KCNMB2: variants seen among roughly 807,000 people sequenced by gnomAD.
The protein encoded by KCNMB2 is calcium-activated potassium channel subunit beta-2.
In KCNMB2, 9 loss-of-function variants were observed where a neutral mutation model predicts 24.5. That is an observed-to-expected ratio of 0.37 (90% CI 0.22 to 0.64). The LOEUF (loss-of-function observed/expected upper bound fraction) is 0.64, where lower values mean the gene tolerates loss of function less well. Among genes scored for constraint, KCNMB2 ranks in the 30% least tolerant of loss-of-function variants. The probability of loss-of-function intolerance (pLI) is 0.63; values close to 1 mark genes in which losing one functional copy is unlikely to be tolerated. For synonymous variants in KCNMB2, 109 were observed against 104.4 expected, an observed-to-expected ratio of 1.04 and a Z score of -0.27; for missense variants, 226 against 284.3, an observed-to-expected ratio of 0.79 and a Z score of 1.47.
chr3:178,794,445 G>A (rs1317318249), intron 1 of KCNMB2, among the ~76,000 whole-genome samples: 1 of 152,154 alleles, frequency 6.6e-6, no homozygotes, highest in African/African-American at 2.4e-5. Context: ...GTCTGGTTGT[G>A]TTTTATCAGG....
chr3:178,746,282 G>T (rs916750347), intron 1 of KCNMB2, among the ~76,000 whole-genome samples: 1 of 152,184 alleles, frequency 6.6e-6, no homozygotes, highest in Admixed American at 6.5e-5. Flanking sequence ...GCAAAGGCTT[G>T]AGGCTTGCAC....
intron 1 of KCNMB2, among the ~76,000 whole-genome samples, chr3:178,648,352 A>G (rs780023047): frequency 1.9e-4 from 29 of 152,320 alleles, no homozygotes; most frequent in Admixed American, 3.9e-4. Context: ...ATCCTGGGCA[A>G]CATAGCAAGA....
chr3:178,805,458 A>G (rs979070728), intron 1 of KCNMB2, among the ~76,000 whole-genome samples: 1 of 152,194 alleles, frequency 6.6e-6, no homozygotes, highest in Non-Finnish European at 1.5e-5. Flanking sequence ...GTTAGTGACA[A>G]AACAGGGCCT....
chr3:178,825,723 G>C lies in KCNMB2; in HGVS notation c.192G>C (p.Leu64=), dbSNP rs1443313216. The C allele has an allele frequency of 1.2e-6, 2 of 1,613,776 alleles. No homozygotes were observed. The highest frequency in any genetic ancestry group is 1.3e-5 in the African/African-American group (1 of 74,974). ...TGTGCTCCATCATGATGTATTTTCT[G>C]CTGGGAATCACACTCCTGCGCTCAT... ...MMVCSIMMYF[L]LGITLLRSYM... The change falls in exon 3 of 5, where the codon CTG becomes CTC. Residue 64 remains leucine (L), a synonymous_variant. Transcript: ENST00000452583.
At chr3:178,692,685 C>A (rs1306741149) in intron 1 of KCNMB2, among the ~76,000 whole-genome samples, 1 of 152,172 alleles carries the variant, frequency 6.6e-6, no homozygotes, top group Admixed American at 6.5e-5. Flanking sequence ...TGTGATGCCT[C>A]TGGCTTTATA....
chr3:178,818,966 G>A (rs568566989), intron 2 of KCNMB2, among the ~76,000 whole-genome samples: 2 of 152,246 alleles, frequency 1.3e-5, no homozygotes, highest in Non-Finnish European at 2.9e-5. Flanking sequence ...CCAAGACTTA[G>A]TTTGGTCCGT....
intron 1 of KCNMB2, among the ~76,000 whole-genome samples, chr3:178,758,526 G>GTA (rs1269453179): frequency 0.067 from 844 of 12,576 alleles, 79 homozygotes; most frequent in Middle Eastern, 0.17. Context: ...AAGAGGAGAT[G>GTA]TATATATATA....
chr3:178,817,850 T>C (rs1238648533), intron 2 of KCNMB2, among the ~76,000 whole-genome samples: 1 of 152,138 alleles, frequency 6.6e-6, no homozygotes, highest in Non-Finnish European at 1.5e-5. Context: ...TTGTAGCCAG[T>C]CTAGTCCAAA....
At chr3:178,787,639 C>T (rs1713162478) in intron 1 of KCNMB2, among the ~76,000 whole-genome samples, 1 of 151,994 alleles carries the variant, frequency 6.6e-6, no homozygotes, top group East Asian at 1.9e-4. Flanking sequence ...TCTCATCCTG[C>T]CACACTCTTC....
At chr3:178,703,829 A>C (rs1259989586) in intron 1 of KCNMB2, among the ~76,000 whole-genome samples, 1 of 152,186 alleles carries the variant, frequency 6.6e-6, no homozygotes, top group Admixed American at 6.5e-5. Flanking sequence ...GTGAGTAATC[A>C]AAAGGAATTC....
Position 178,542,109 on chromosome 3 carries a change from C to T in KCNMB2, c.-68+5398C>T, listed in dbSNP as rs372287398. Among the ~76,000 whole-genome samples the T allele has an allele frequency of 9.8e-4, 149 of 152,304 alleles. 1 individual carries two copies. Among genetic ancestry groups the T allele is most frequent in the African/African-American group, 3.4e-3 (143 of 41,556 alleles). ...CCCCTCCCTTGTCCAAGTGTGCGCT[C>T]ACCATTGATCCATCTGTAAGGGCGC... On this transcript the variant is annotated intron_variant, in intron 1 of 4. Coordinates refer to ENST00000452583, the MANE Select transcript of KCNMB2 (RefSeq NM_181361.3).
intron 1 of KCNMB2, among the ~76,000 whole-genome samples, chr3:178,776,028 A>G (rs1712564748): frequency 1.3e-5 from 2 of 152,140 alleles, no homozygotes; most frequent in African/African-American, 2.4e-5. Flanking sequence ...CGAAGTCTGT[A>G]TCTACAACCT....
chr3:178,778,458 A>ACG (rs1553777051), intron 1 of KCNMB2, among the ~76,000 whole-genome samples: 3 of 37,048 alleles, frequency 8.1e-5, no homozygotes. Context: ...CCTTTAAGAC[A>ACG]CACACACACA....
chr3:178,712,753 C>T (rs1722495461), intron 1 of KCNMB2, among the ~76,000 whole-genome samples: 1 of 152,192 alleles, frequency 6.6e-6, no homozygotes, highest in African/African-American at 2.4e-5. Context: ...ACTCCAGAGA[C>T]TTCTGCCTCA....
rs547576245 is a variant in KCNMB2, at chr3:178,658,253, T to C, written c.-68+121542T>C. Among the ~76,000 whole-genome samples, 4 of 152,324 alleles carry C rather than the reference T, an allele frequency of 2.6e-5. No individual in the cohort carries two copies. In the East Asian group the frequency reaches 7.7e-4, roughly 29 times the overall value. ...AGATCTTGTCAAAATAATGCCATTT[T>C]TTTCATACCAGTTGTCAAACTTCCA... On this transcript the variant is annotated intron_variant, in intron 1 of 4. Coordinates refer to ENST00000452583, the MANE Select transcript of KCNMB2 (RefSeq NM_181361.3).
chr3:178,774,540 C>T (rs1182945732), intron 1 of KCNMB2, among the ~76,000 whole-genome samples: 1 of 152,128 alleles, frequency 6.6e-6, no homozygotes, highest in Non-Finnish European at 1.5e-5. Context: ...GGGCTCTGAA[C>T]CATCATGGGG....
intron 1 of KCNMB2, among the ~76,000 whole-genome samples, chr3:178,742,776 G>A (rs1723537160): frequency 6.6e-6 from 1 of 152,146 alleles, no homozygotes; most frequent in Non-Finnish European, 1.5e-5. Context: ...AGGGTTTTGA[G>A]TTGACGGCCT....
At position 178,738,005 on chromosome 3, in the gene KCNMB2, G is replaced by A. The variant is rs138096204; in HGVS notation, c.-67-69338G>A. Reference sequence around the variant, plus strand: ...CTAAAAATTGTCAATATCCTCCCCCGACCCAAGAGATCAGAAGGTATTGGT... The same window carrying A: ...CTAAAAATTGTCAATATCCTCCCCCAACCCAAGAGATCAGAAGGTATTGGT... On this transcript the variant is annotated intron_variant, in intron 1 of 4. Coordinates refer to ENST00000452583, the MANE Select transcript of KCNMB2 (RefSeq NM_181361.3). 5.3e-5 allele frequency among the ~76,000 whole-genome samples: 8 copies of A among 152,140 alleles called. No individual in the cohort carries two copies. In the East Asian group the frequency reaches 1.2e-3, roughly 22 times the overall value.
chr3:178,702,688 T>C (rs12106872), intron 1 of KCNMB2, among the ~76,000 whole-genome samples: 49,821 of 152,050 alleles, frequency 0.33, 8,890 homozygotes, highest in African/African-American at 0.47. Flanking sequence ...AGCCTTCACA[T>C]CTACACAAAT....
Sources: gnomAD v4.1 joint callset for allele counts (sites outside exome capture counted in the v4.1 genomes callset) on GRCh38, gnomAD v4.1.1 for gene constraint, MANE v1.5 for transcripts, NCBI Gene and HGNC (gene_info 2026-07-23, HGNC 2026-07-21) for gene names.